Variants in FARP2 observed in about 807,000 individuals in gnomAD.
FARP2 encodes FERM, ARHGEF and pleckstrin domain-containing protein 2.
In FARP2, 111 loss-of-function variants were observed where a neutral mutation model predicts 130.5. That is an observed-to-expected ratio of 0.85 (90% CI 0.73 to 1.00). FARP2 has a LOEUF of 1.00. Among genes scored for constraint, FARP2 ranks in the 50% least tolerant of loss-of-function variants. FARP2 has a pLI of 0.00. For synonymous variants in FARP2, 504 were observed against 516.9 expected (o/e 0.98, Z 0.34); for missense variants, 1,385 against 1,346.3 (o/e 1.03, Z -0.45).
intron 7 of FARP2, among the ~76,000 whole-genome samples, chr2:241,416,227 T>C (rs1217997071): frequency 6.6e-6 from 1 of 152,122 alleles, no homozygotes; most frequent in Non-Finnish European, 1.5e-5. Context: ...TCTGCATGTG[T>C]GTGTCCTTAC....
intron 8 of FARP2, among the ~76,000 whole-genome samples, chr2:241,427,699 G>T (rs542166578): frequency 9.3e-4 from 142 of 152,244 alleles, no homozygotes; most frequent in Non-Finnish European, 1.6e-3. Context: ...TTATTTGGGG[G>T]CCTCTGAGCT....
chr2:241,366,127 A>ATATATATACATATATATATATACT (rs373040817), intron 1 of FARP2, among the ~76,000 whole-genome samples: 1 of 136,482 alleles, frequency 7.3e-6, no homozygotes, highest in Non-Finnish European at 1.5e-5. Flanking sequence ...ATATACGTAT[A>ATATATATACATATATATATATACT]TATATATATA....
intron 8 of FARP2, among the ~76,000 whole-genome samples, chr2:241,430,384 C>T (rs547042806): frequency 2.6e-5 from 4 of 152,350 alleles, no homozygotes; most frequent in Admixed American, 6.5e-5. Flanking sequence ...GATCCATGCA[C>T]TCAGTGTGCC....
intron 18 of FARP2, among the ~76,000 whole-genome samples, chr2:241,472,547 CCCTGTTCTGTGGGGAA>C (rs1021890694): frequency 1.3e-5 from 2 of 148,886 alleles, no homozygotes; most frequent in African/African-American, 5.0e-5. Context: ...TCTGTGAGGA[CCCTGTTCTGTGGGGAA>C]CCTGTTCTGA....
At chr2:241,480,585 A>C (rs914809894) in intron 19 of FARP2, among the ~76,000 whole-genome samples, 10 of 151,948 alleles carry the variant, frequency 6.6e-5, no homozygotes, top group African/African-American at 2.4e-4. Flanking sequence ...ATTTATTCTA[A>C]GGGGATATTT....
intron 8 of FARP2, 97 bp from the exon 9 acceptor site, chr2:241,431,582 C>A (rs1420276001): frequency 1.0e-5 from 7 of 689,412 alleles, no homozygotes; most frequent in Non-Finnish European, 1.6e-5. Flanking sequence ...AAGTAGAGTG[C>A]TGTGTTGGCA....
intron 13 of FARP2, among the ~76,000 whole-genome samples, chr2:241,447,658 C>A (rs1363137106): frequency 6.6e-6 from 1 of 152,164 alleles, no homozygotes; most frequent in African/African-American, 2.4e-5. Context: ...CCCCAGAGTG[C>A]AACAGCTCTG....
Position 241,456,668 on chromosome 2 carries a change from G to A in FARP2, c.1412-79G>A, listed in dbSNP as rs796362830. On this transcript the variant is annotated intron_variant, in intron 13 of 26. Transcript: ENST00000264042. ...TGTGAGGCTGGCGGTTGAATGGTCA[G>A]GAGAGTAGTAGCGGCTCTAAGCCAG... 21 of 1,436,230 alleles carry A rather than the reference G, an allele frequency of 1.5e-5. 1 individual carries two copies. The South Asian group carries it at 2.0e-4, about 14-fold the overall frequency. The allele number at this position is 1,436,230 out of a possible 1,614,324, so 89.0% of individuals were successfully genotyped here.
In FARP2 at chr2:241,434,150, G is replaced by T. The variant is rs2063159847; in HGVS notation, c.868-8G>T. 1 of 1,587,068 alleles carries T rather than the reference G, an allele frequency of 6.3e-7. No homozygotes were observed. The highest frequency in any genetic ancestry group is 1.4e-5 in the African/African-American group (1 of 73,236). On this transcript the variant is annotated splice_polypyrimidine_tract_variant and splice_region_variant and intron_variant, in intron 9 of 26. Coordinates refer to ENST00000264042, the MANE Select transcript of FARP2 (RefSeq NM_014808.4). ...TTGAATTAATTAACCTTTGTGTTTT[G>T]TTTCTAGGGACCTTACCAGGACACA... is the stretch of plus-strand genomic sequence containing the variant.
In FARP2 at chr2:241,459,622, A is replaced by C. The variant is rs2063957820; in HGVS notation, c.1587+2700A>C. Among the ~76,000 whole-genome samples, 1 of 152,220 alleles carries C rather than the reference A, an allele frequency of 6.6e-6. No individual in the cohort carries two copies. Among genetic ancestry groups the C allele is most frequent in the Non-Finnish European group, 1.5e-5 (1 of 68,026 alleles). On this transcript the variant is annotated intron_variant, in intron 14 of 26. Transcript: ENST00000264042. This position sits in a 1 kb window ranked among gnomAD's most constrained non-coding sequence, Gnocchi z 5.3. ...CTCTGCATGGGCACATAGACCCTTC[A>C]TGTGGGGACAGGTGGCGAAGCTCAC...
chr2:241,493,769 G>GTATT (rs1158047543), intron 26 of FARP2: 5 of 471,092 alleles, frequency 1.1e-5, no homozygotes, highest in Non-Finnish European at 1.9e-5. Context: ...GCTAATTTTT[G>GTATT]TATTTTTAGT....
At chr2:241,393,137 A>G (rs2061949064) in intron 2 of FARP2, among the ~76,000 whole-genome samples, 3 of 151,556 alleles carry the variant, frequency 2.0e-5, no homozygotes, top group Admixed American at 2.0e-4. Context: ...CTCCTGTCTC[A>G]GCCTTCTGAG....
chr2:241,411,505 T>A (rs544360588), intron 6 of FARP2, among the ~76,000 whole-genome samples: 2 of 152,204 alleles, frequency 1.3e-5, no homozygotes, highest in Non-Finnish European at 2.9e-5. Context: ...GTTACAGTCC[T>A]CTCAGATTAG....
chr2:241,359,965 C>T (rs991383390), intron 1 of FARP2, among the ~76,000 whole-genome samples: 1 of 152,166 alleles, frequency 6.6e-6, no homozygotes, highest in African/African-American at 2.4e-5. Flanking sequence ...TGTACCAGTG[C>T]ATTTTTGAGG....
intron 8 of FARP2, among the ~76,000 whole-genome samples, chr2:241,427,996 G>C (rs1416838901): frequency 6.6e-6 from 1 of 151,962 alleles, no homozygotes; most frequent in African/African-American, 2.4e-5. Flanking sequence ...TCGATCTCCT[G>C]ACCTCGTGAT....
intron 1 of FARP2, among the ~76,000 whole-genome samples, chr2:241,371,008 T>C (rs2061412020): frequency 6.6e-6 from 1 of 152,194 alleles, no homozygotes; most frequent in Non-Finnish European, 1.5e-5. Context: ...GCCTTGTTGT[T>C]TTGTTCATAG....
intron 14 of FARP2, among the ~76,000 whole-genome samples, chr2:241,460,467 A>C (rs2063984809): frequency 6.6e-6 from 1 of 150,882 alleles, no homozygotes; most frequent in African/African-American, 2.4e-5. Context: ...TTTAAGAGAC[A>C]GGGTCTCACT....
intron 2 of FARP2, among the ~76,000 whole-genome samples, chr2:241,377,664 C>T (rs2061570243): frequency 6.6e-6 from 1 of 152,158 alleles, no homozygotes; most frequent in Non-Finnish European, 1.5e-5. Context: ...TTTAACTCAT[C>T]TCTAGATTAC....
At chr2:241,411,330 G>A (rs866422136) in intron 6 of FARP2, among the ~76,000 whole-genome samples, 200 bp downstream of exon 6, 5 of 152,192 alleles carry the variant, frequency 3.3e-5, no homozygotes, top group Admixed American at 6.5e-5. Context: ...TAGTTTCCAC[G>A]TAGCAAACAC....
Sources: gnomAD v4.1 joint callset for allele counts (sites outside exome capture counted in the v4.1 genomes callset) on GRCh38, gnomAD v4.1.1 for gene constraint, Gnocchi (gnomAD v3.1) non-coding constraint, MANE v1.5 for transcripts, NCBI Gene and HGNC (gene_info 2026-07-23, HGNC 2026-07-21) for gene names.